The following FOXN3 variants were observed in gnomAD, a reference collection of about 807,000 sequenced individuals.
FOXN3 encodes forkhead box N3, also known as forkhead box protein N3.
A neutral mutation model predicts 38.4 loss-of-function variants in FOXN3; 7 were observed. The observed-to-expected ratio is 0.18, with a 90% CI of 0.10 to 0.34. FOXN3 has a LOEUF of 0.34. FOXN3 is among the 10% of genes least tolerant of loss of function. The pLI is 1.00. For missense variants in FOXN3, 456 were observed against 613.4 expected (o/e 0.74, Z 2.71); for synonymous variants, 230 against 242.2 (o/e 0.95, Z 0.47).
chr14:89,447,814 CTTTTTTTTTTTT>C (rs3057950), intron 1 of FOXN3, among the ~76,000 whole-genome samples: 4 of 92,798 alleles, frequency 4.3e-5, no homozygotes, highest in African/African-American at 1.7e-4. Context: ...GCCTTTCTTC[CTTTTTTTTTTTT>C]TTTTTTTTTT....
intron 1 of FOXN3, among the ~76,000 whole-genome samples, chr14:89,617,169 T>G (rs778617222): frequency 6.6e-6 from 1 of 152,232 alleles, no homozygotes; most frequent in Non-Finnish European, 1.5e-5. Context: ...GTGTCTAAAT[T>G]TTTAAGCCAA....
chr14:89,312,995 G>C (rs909078837), intron 3 of FOXN3, among the ~76,000 whole-genome samples: 10 of 152,160 alleles, frequency 6.6e-5, no homozygotes, highest in Non-Finnish European at 1.2e-4. Flanking sequence ...AAGCCCTGTC[G>C]CTTTGTCCCA....
intron 1 of FOXN3, among the ~76,000 whole-genome samples, chr14:89,450,982 C>G (rs765991773): frequency 3.9e-5 from 6 of 152,156 alleles, no homozygotes; most frequent in Non-Finnish European, 7.3e-5. Context: ...CATTGCATAG[C>G]CTAGAGGCAA....
chr14:89,329,901 C>A (rs1888195469), intron 3 of FOXN3, among the ~76,000 whole-genome samples: 1 of 147,126 alleles, frequency 6.8e-6, no homozygotes, highest in African/African-American at 2.5e-5. Context: ...TTATCTGGCC[C>A]CAAATGTCAA....
chr14:89,383,040 T>G (rs952675394), intron 2 of FOXN3, among the ~76,000 whole-genome samples: 27 of 149,410 alleles, frequency 1.8e-4, no homozygotes, highest in African/African-American at 5.9e-4. Context: ...TTTTTTTTTT[T>G]TTTTTTTTTT....
intron 1 of FOXN3, among the ~76,000 whole-genome samples, chr14:89,465,590 C>T (rs1348551530): frequency 6.6e-6 from 1 of 152,158 alleles, no homozygotes; most frequent in Non-Finnish European, 1.5e-5. Context: ...AAGGGGGTCC[C>T]ACAAGGTTAT....
In FOXN3 at chr14:89,350,688, G is replaced by A; in HGVS notation, c.664C>T (p.Pro222Ser). Residue 222 changes from proline to serine, a missense_variant, in exon 3 of 6, where the codon CCT (proline) becomes TCT (serine). Physicochemically the swap from Pro to Ser is moderately conservative, Grantham distance 74 (BLOSUM62 -1). Coordinates refer to ENST00000557258, the MANE Select transcript of FOXN3 (RefSeq NM_005197.4). ...PHVFNTPPTC[P>S]QAYQSTSGPP... is the part of the protein sequence containing the mutation. ...ATTGCTTACCTTTGATATGCCTGAG[G>A]ACAGGTGGGAGGTGTATTGAACACG... 2 of 1,554,514 alleles carry A rather than the reference G, an allele frequency of 1.3e-6. No homozygotes were observed. Among genetic ancestry groups the A allele is most frequent in the Non-Finnish European group, 8.6e-7 (1 of 1,157,818 alleles).
At chr14:89,511,878 G>A (rs1163712868) in intron 1 of FOXN3, among the ~76,000 whole-genome samples, 1 of 152,140 alleles carries the variant, frequency 6.6e-6, no homozygotes, top group East Asian at 1.9e-4. Context: ...GCCCAGCAAA[G>A]GAGGAAGCCT....
intron 1 of FOXN3, among the ~76,000 whole-genome samples, chr14:89,475,833 G>GTAC (rs1158351479): frequency 6.6e-6 from 1 of 152,124 alleles, no homozygotes; most frequent in African/African-American, 2.4e-5. Context: ...ACAGAACTTG[G>GTAC]TACTACCCGA....
intron 1 of FOXN3, among the ~76,000 whole-genome samples, chr14:89,520,082 C>T (rs1197559117): frequency 2.7e-5 from 4 of 150,296 alleles, no homozygotes; most frequent in East Asian, 1.9e-4. Flanking sequence ...GGCACGAGCG[C>T]GGATCACTGC....
intron 1 of FOXN3, among the ~76,000 whole-genome samples, chr14:89,503,618 C>A (rs1436110749): frequency 6.6e-6 from 1 of 152,156 alleles, no homozygotes; most frequent in African/African-American, 2.4e-5. Flanking sequence ...AGCAACCACA[C>A]GTTTTATAGA....
intron 4 of FOXN3, among the ~76,000 whole-genome samples, chr14:89,265,064 A>T (rs1885927448): frequency 6.6e-6 from 1 of 152,180 alleles, no homozygotes; most frequent in South Asian, 2.1e-4. Context: ...CCCTGTGTTC[A>T]AACTGTATGT....
At chr14:89,258,082 C>T (rs1364956588) in intron 4 of FOXN3, among the ~76,000 whole-genome samples, 4 of 152,250 alleles carry the variant, frequency 2.6e-5, no homozygotes, top group South Asian at 2.1e-4. Flanking sequence ...CACACACACA[C>T]GCACTAGAGC....
At chr14:89,309,958 A>G (rs1187241673) in intron 3 of FOXN3, among the ~76,000 whole-genome samples, 1 of 152,236 alleles carries the variant, frequency 6.6e-6, no homozygotes, top group African/African-American at 2.4e-5. Flanking sequence ...TAAGCCTGAC[A>G]GTATGAACTC....
intron 5 of FOXN3, among the ~76,000 whole-genome samples, chr14:89,177,538 ACTGGGG>A (rs542008664): frequency 4.3e-5 from 6 of 140,276 alleles, no homozygotes; most frequent in South Asian, 4.7e-4. Flanking sequence ...TGTTTCCCAA[ACTGGGG>A]CTGGGGCTGG....
intron 1 of FOXN3, among the ~76,000 whole-genome samples, chr14:89,522,186 T>G (rs901393195): frequency 6.6e-6 from 1 of 151,528 alleles, no homozygotes; most frequent in African/African-American, 2.4e-5. Context: ...AATAAGAATT[T>G]TATACCCAGT....
At chr14:89,600,168 T>G (rs1195641684) in intron 1 of FOXN3, among the ~76,000 whole-genome samples, 1 of 152,226 alleles carries the variant, frequency 6.6e-6, no homozygotes, top group Non-Finnish European at 1.5e-5. Context: ...GCTAAATATA[T>G]GCACTACCAC....
intron 4 of FOXN3, chr14:89,230,870 G>A (rs1214506700): frequency 1.8e-5 from 8 of 455,794 alleles, no homozygotes; most frequent in South Asian, 1.1e-4. Flanking sequence ...TCATTTTTCT[G>A]TTGAAAAAAT....
At chr14:89,320,916 C>CT (rs1887876968) in intron 3 of FOXN3, among the ~76,000 whole-genome samples, 2 of 152,312 alleles carry the variant, frequency 1.3e-5, no homozygotes, top group South Asian at 4.1e-4. Context: ...CCAGCTGACT[C>CT]TGAGGAGTTT....
Sources: allele counts gnomAD v4.1 joint callset (sites outside exome capture counted in the v4.1 genomes callset), GRCh38; gene constraint gnomAD v4.1.1; transcripts MANE v1.5; gene names NCBI Gene and HGNC (gene_info 2026-07-23, HGNC 2026-07-21).